Variants in YY1AP1 observed in about 807,000 individuals in gnomAD.
YY1AP1 encodes YY1 associated protein 1, also known as YY1-associated protein 1.
Under a neutral mutation model 39.9 loss-of-function variants are expected in YY1AP1, and 43 were observed. That is an observed-to-expected ratio of 1.08 (90% CI 0.84 to 1.39). The LOEUF is 1.39. YY1AP1 is among the 40% of genes most tolerant of loss of function. The probability of loss-of-function intolerance (pLI) is 0.00; values close to 1 mark genes in which losing one functional copy is unlikely to be tolerated. For synonymous variants in YY1AP1, 292 were observed against 331.3 expected, an observed-to-expected ratio of 0.88 and a Z score of 1.29; for missense variants, 813 against 900.7, an observed-to-expected ratio of 0.90 and a Z score of 1.25.
upstream of YY1AP1, chr1:155,688,991 G>A (rs369751610): frequency 3.1e-6 from 5 of 1,603,334 alleles, no homozygotes; most frequent in Non-Finnish European, 4.3e-6. Flanking sequence ...CCGCGGCGAG[G>A]GGATCGAGGG....
chr1:155,661,546 C>CACACACAA, intron 9 of YY1AP1, 123 bp from the exon 10 acceptor site: 2 of 1,523,188 alleles, frequency 1.3e-6, no homozygotes. Flanking sequence ...CACACACACA[C>CACACACAA]ACACAAGACC....
At position 155,660,187 on chromosome 1, in the gene YY1AP1, G is replaced by A; in HGVS notation, c.1723C>T (p.Gln575Ter). ...VSLGGGCNMI[Q>*]PVNAAVAQSP... Reference sequence around the variant, plus strand: ...TGGGCCACAGCCGCATTGACAGGCTGGATCATGTTACAGCCACCGCCAAGG... The same window carrying A: ...TGGGCCACAGCCGCATTGACAGGCTAGATCATGTTACAGCCACCGCCAAGG... Residue 575 changes from glutamine to a stop codon, truncating the protein, a stop_gained, in exon 11 of 11, where the codon CAG (glutamine) becomes TAG (stop). Coordinates refer to ENST00000355499, the MANE Select transcript of YY1AP1 (RefSeq NM_139119.3). LOFTEE classifies it low-confidence loss of function (END_TRUNC). The A allele has an allele frequency of 6.2e-7, 1 of 1,614,164 alleles. No homozygotes were observed. The highest frequency in any genetic ancestry group is 1.1e-5 in the South Asian group (1 of 91,080).
chr1:155,678,189 C>T (rs986998881), intron 4 of YY1AP1, among the ~76,000 whole-genome samples: 16 of 152,146 alleles, frequency 1.1e-4, no homozygotes, highest in African/African-American at 3.9e-4. Context: ...TACAGTAACA[C>T]ACTGTACAGG....
intron 9 of YY1AP1, among the ~76,000 whole-genome samples, chr1:155,665,784 C>CA (rs58155011): frequency 0.085 from 2,886 of 34,126 alleles, 180 homozygotes; most frequent in Non-Finnish European, 0.14. Flanking sequence ...CTCTGTGTCT[C>CA]AAAAAAAAAA....
chr1:155,686,026 C>CTT (rs768966023), intron 2 of YY1AP1, among the ~76,000 whole-genome samples: 837 of 76,378 alleles, frequency 0.011, 95 homozygotes, highest in African/African-American at 0.044. Context: ...TGAAATCAGT[C>CTT]TTTTTTTTTT....
intron 9 of YY1AP1, 110 bp downstream of exon 9, chr1:155,668,517 G>A (rs1436985894): frequency 5.1e-6 from 8 of 1,557,266 alleles, no homozygotes; most frequent in Non-Finnish European, 7.1e-6. Flanking sequence ...ATAAGTAGGA[G>A]AAATTAGCTT....
intron 2 of YY1AP1, among the ~76,000 whole-genome samples, chr1:155,686,575 C>A (rs1267088211): frequency 6.6e-6 from 1 of 152,090 alleles, no homozygotes; most frequent in African/African-American, 2.4e-5. Flanking sequence ...AAGGCATGGA[C>A]CATTCATTGA....
chr1:155,686,728 A>C (rs1652444023), intron 2 of YY1AP1, among the ~76,000 whole-genome samples: 1 of 152,208 alleles, frequency 6.6e-6, no homozygotes, highest in Non-Finnish European at 1.5e-5. Flanking sequence ...AAGTGTCAGA[A>C]ATGCTCTGCT....
At chr1:155,681,923 GATCCTCCCACCTC>G (rs1290872797) in intron 2 of YY1AP1, among the ~76,000 whole-genome samples, 1 of 149,284 alleles carries the variant, frequency 6.7e-6, no homozygotes, top group Non-Finnish European at 1.5e-5. Flanking sequence ...GGGCTCCAGC[GATCCTCCCACCTC>G]ATCCTCCCAA....
At position 155,679,479 on chromosome 1, in the gene YY1AP1, C is replaced by A. The variant is rs766168784; in HGVS notation, c.55G>T (p.Asp19Tyr). ...CGCTCCTCCTCTTCTGGGCCATCAT[C>A]TTCCATGTTGGAGAATCCCATCTCA... ...QDEMGFSNME[D>Y]DGPEEEERVA... The change falls in exon 4 of 11, where the codon GAT becomes TAT. Residue 19 changes from aspartate (D) to tyrosine (Y), a missense_variant. Asp to Tyr is a radical substitution (Grantham distance 160). Coordinates refer to ENST00000355499, the MANE Select transcript of YY1AP1 (RefSeq NM_139119.3). 14 of 1,614,090 alleles carry A rather than the reference C, an allele frequency of 8.7e-6. No individual in the cohort carries two copies. The Admixed American group carries it at 2.2e-4, about 25-fold the overall frequency.
Position 155,671,317 on chromosome 1 carries a change from G to A in YY1AP1, c.584-853C>T, listed in dbSNP as rs796799969. 5.9e-5 allele frequency among the ~76,000 whole-genome samples: 9 copies of A among 151,952 alleles called. 1 individual carries two copies. The highest frequency in any genetic ancestry group is 2.2e-4 in the African/African-American group (9 of 41,464). On this transcript the variant is annotated intron_variant, in intron 7 of 10. Coordinates refer to ENST00000355499, the MANE Select transcript of YY1AP1 (RefSeq NM_139119.3). ...ATGGTGGCACGCACCTGTAATTCCA[G>A]CTACTTGGGAGGCTGAGGCAGGAGA... is the stretch of plus-strand genomic sequence containing the variant.
At position 155,676,445 on chromosome 1, in the gene YY1AP1, ACTAT is replaced by A. The variant is rs1558311432; in HGVS notation, c.324+99_324+102del. Reference sequence around the variant, plus strand: ...TACGGTTTTAATACGTAGTAAGGTAACTATCTCTGACATTTACAAAGCTGCTAAT... The same window carrying A: ...TACGGTTTTAATACGTAGTAAGGTAACTCTGACATTTACAAAGCTGCTAAT... On this transcript the variant is annotated intron_variant, in intron 5 of 10. Transcript: ENST00000355499. 1.0e-5 allele frequency: 14 copies of A among 1,373,304 alleles called. No homozygotes were observed. In the Admixed American group the frequency reaches 2.4e-4, roughly 24 times the overall value. 85.1% of individuals were successfully genotyped at this position (1,373,304 alleles called of 1,614,324 possible). A position where few individuals can be genotyped will look rare whatever the true frequency, so the allele number is the denominator to read the frequency against.
chr1:155,668,520 A>C, intron 9 of YY1AP1, 107 bp downstream of exon 9: 1 of 1,571,346 alleles, frequency 6.4e-7, no homozygotes, highest in Non-Finnish European at 8.7e-7. Flanking sequence ...AGTAGGAGAA[A>C]TTAGCTTTAG....
chr1:155,668,017 T>C (rs999039933), intron 9 of YY1AP1, among the ~76,000 whole-genome samples: 2 of 151,606 alleles, frequency 1.3e-5, no homozygotes, highest in Non-Finnish European at 2.9e-5. Flanking sequence ...AGAAAAAGTA[T>C]ATAGGCTGGG....
intron 7 of YY1AP1, chr1:155,671,235 A>G (rs1333167614): frequency 6.6e-6 from 1 of 152,052 alleles, no homozygotes; most frequent in African/African-American, 2.4e-5. Context: ...GTTCAAGACC[A>G]GCCTGGCCAA....
intron 4 of YY1AP1, among the ~76,000 whole-genome samples, chr1:155,677,469 T>A (rs955820884): frequency 6.6e-6 from 1 of 152,030 alleles, no homozygotes; most frequent in Non-Finnish European, 1.5e-5. Context: ...TAGAAAGAAA[T>A]AAAGGGAGAA....
chr1:155,674,086 G>A (rs1268816298), intron 6 of YY1AP1, among the ~76,000 whole-genome samples: 2 of 148,930 alleles, frequency 1.3e-5, no homozygotes, highest in Admixed American at 6.6e-5. Flanking sequence ...GCGTGAACCC[G>A]GGAGGCGGAG....
At position 155,675,164 on chromosome 1, in the gene YY1AP1, T is replaced by A. The variant is rs902401562; in HGVS notation, c.325-68A>T. The A allele has an allele frequency of 1.6e-5, 24 of 1,478,868 alleles. No individual in the cohort carries two copies. In the African/African-American group the frequency reaches 1.7e-4, roughly 10 times the overall value. The allele number at this position is 1,478,868 out of a possible 1,614,324, so 91.6% of individuals were successfully genotyped here. On this transcript the variant is annotated intron_variant, in intron 5 of 10. Coordinates refer to ENST00000355499, the MANE Select transcript of YY1AP1 (RefSeq NM_139119.3). ...TGCCATTTCAGGAGCCCAGAGATAT[T>A]TTTTTTTCCCCCTGGAGACAGGGTC...
At position 155,675,092 on chromosome 1, in the gene YY1AP1, A is replaced by G. The variant is rs781020286; in HGVS notation, c.329T>C (p.Val110Ala). 9 of 1,613,318 alleles carry G rather than the reference A, an allele frequency of 5.6e-6. No homozygotes were observed. The highest frequency in any genetic ancestry group is 7.6e-6 in the Non-Finnish European group (9 of 1,179,602). The change falls in exon 6 of 11, where the codon GTT becomes GCT. Residue 110 changes from valine to alanine, a missense_variant. Transcript: ENST00000355499. ...KRLQQQMQQHVQLLTQIHLLA... is the reference protein window; with the variant it reads ...KRLQQQMQQHAQLLTQIHLLA... The stretch of plus-strand genomic sequence containing the variant: ...AAGGTGGATTTGTGTCAAGAGCTGA[A>G]CATGCTGGGGAGAGAAAGAAAATAA...
Sources: allele counts gnomAD v4.1 joint callset (sites outside exome capture counted in the v4.1 genomes callset), GRCh38; gene constraint gnomAD v4.1.1; transcripts MANE v1.5; gene names NCBI Gene and HGNC (gene_info 2026-07-23, HGNC 2026-07-21).